The following INVS variants were observed in gnomAD, a reference collection of about 807,000 sequenced individuals.
INVS encodes the protein inversin.
In INVS, 86 loss-of-function variants were observed where a neutral mutation model predicts 108.8. That is an observed-to-expected ratio of 0.79 (90% CI 0.66 to 0.95). The LOEUF (loss-of-function observed/expected upper bound fraction) is 0.95, where lower values mean the gene tolerates loss of function less well. Ranked by LOEUF, INVS falls within the 40% of genes least tolerant of loss-of-function variation. The probability of loss-of-function intolerance (pLI) is 0.00; values close to 1 mark genes in which losing one functional copy is unlikely to be tolerated. For synonymous variants in INVS, 455 were observed against 473.5 expected (o/e 0.96, Z 0.51); for missense variants, 1,169 against 1,297.4 (o/e 0.90, Z 1.52).
chr9:100,099,757 G>A (rs549784359), intron 1 of INVS, among the ~76,000 whole-genome samples: 4 of 152,272 alleles, frequency 2.6e-5, no homozygotes, highest in Admixed American at 2.6e-4. Context: ...GTATAATTAC[G>A]AAATTCCCTA....
intron 16 of INVS, among the ~76,000 whole-genome samples, chr9:100,299,397 A>C (rs1002660930): frequency 6.6e-5 from 10 of 152,022 alleles, no homozygotes; most frequent in Non-Finnish European, 1.5e-4. Context: ...AAAAAGGAAG[A>C]AGCAGAAAGG....
At chr9:100,241,658 G>T (rs1831878003) in intron 6 of INVS, among the ~76,000 whole-genome samples, 1 of 152,138 alleles carries the variant, frequency 6.6e-6, no homozygotes, top group Non-Finnish European at 1.5e-5. Flanking sequence ...CAAACAAAAT[G>T]ATATGTGTTT....
At chr9:100,102,679 T>G (rs746523677) in intron 1 of INVS, 2 of 152,372 alleles carry the variant, frequency 1.3e-5, no homozygotes, top group African/African-American at 4.8e-5. Context: ...CACTTTAAGT[T>G]TGGCATCAAT....
In INVS at chr9:100,265,376, T is replaced by C. The variant is rs1832759029; in HGVS notation, c.1571+448T>C. 4.6e-5 allele frequency among the ~76,000 whole-genome samples: 7 copies of C among 152,336 alleles called. 1 individual carries two copies. The South Asian group carries it at 1.4e-3, about 32-fold the overall frequency. ...AATAAAACATTACACTAAGAAATAC[T>C]GAGCCAGAATAGAAGAGCAAAACTT... is the stretch of plus-strand genomic sequence containing the variant. On this transcript the variant is annotated intron_variant, in intron 11 of 16. Transcript: ENST00000262457.
At chr9:100,106,193 C>T (rs12552646) in intron 2 of INVS, among the ~76,000 whole-genome samples, 67,312 of 151,800 alleles carry the variant, frequency 0.44, 16,398 homozygotes, top group East Asian at 0.9. Flanking sequence ...AAATCTACCT[C>T]GATCTGTACC....
chr9:100,128,268 G>A (rs943591871), intron 3 of INVS, among the ~76,000 whole-genome samples: 11 of 151,864 alleles, frequency 7.2e-5, no homozygotes, highest in Non-Finnish European at 1.0e-4. Context: ...TCATAGTATC[G>A]AAGAATAAAT....
chr9:100,133,774 C>T (rs949425047), intron 3 of INVS, among the ~76,000 whole-genome samples: 1 of 104,220 alleles, frequency 9.6e-6, no homozygotes, highest in African/African-American at 6.7e-5. Flanking sequence ...TACACACACA[C>T]ACACACACAC....
intron 3 of INVS, among the ~76,000 whole-genome samples, chr9:100,160,847 C>G (rs902983555): frequency 4.7e-5 from 7 of 150,342 alleles, no homozygotes; most frequent in African/African-American, 1.2e-4. Flanking sequence ...CCCAGCTACT[C>G]AGGAGGCTGA....
At chr9:100,254,961 T>C (rs546463555) in intron 10 of INVS, among the ~76,000 whole-genome samples, 64 of 152,330 alleles carry the variant, frequency 4.2e-4, no homozygotes, top group African/African-American at 1.5e-3. Context: ...AAGAAAGTCA[T>C]TGGTAGCTTG....
chr9:100,119,947 G>C (rs537274310), intron 2 of INVS, among the ~76,000 whole-genome samples: 1 of 152,246 alleles, frequency 6.6e-6, no homozygotes, highest in Admixed American at 6.5e-5. Flanking sequence ...TGAAAAAATA[G>C]CATGTTGGAA....
Position 100,226,795 on chromosome 9 carries a change from A to G in INVS, c.447+560A>G, listed in dbSNP as rs551140684. The stretch of plus-strand genomic sequence containing the variant: ...GCCACTGAACTCCAGCCTGGGTGAC[A>G]GAGTGAGACTGTCTCAAAAAAAAAA... On this transcript the variant is annotated intron_variant, in intron 4 of 16. Coordinates refer to ENST00000262457, the MANE Select transcript of INVS (RefSeq NM_014425.5). Among the ~76,000 whole-genome samples, 168 of 138,750 alleles carry G rather than the reference A, an allele frequency of 1.2e-3. 1 individual carries two copies. The Middle Eastern group carries it at 0.019, about 15-fold the overall frequency. 91.0% of individuals were successfully genotyped at this position (138,750 alleles called of 152,430 possible). A position where few individuals can be genotyped will look rare whatever the true frequency, so the allele number is the denominator to read the frequency against.
At chr9:100,252,230 A>T in intron 8 of INVS, 53 bp from the exon 9 acceptor site, 2 of 1,547,000 alleles carry the variant, frequency 1.3e-6, no homozygotes, top group South Asian at 2.2e-5. Flanking sequence ...TAATAATTTA[A>T]AAGGTGAAGT....
chr9:100,300,003 T>C (rs557993971), intron 16 of INVS, among the ~76,000 whole-genome samples: 6 of 152,344 alleles, frequency 3.9e-5, no homozygotes, highest in South Asian at 4.1e-4. Flanking sequence ...AAGCAAAATA[T>C]AGCAATGTCT....
At chr9:100,223,411 T>G (rs1831211572) in intron 3 of INVS, among the ~76,000 whole-genome samples, 1 of 152,150 alleles carries the variant, frequency 6.6e-6, no homozygotes, top group African/African-American at 2.4e-5. Context: ...AAATAAGAAT[T>G]TTTAAATGAA....
intron 3 of INVS, among the ~76,000 whole-genome samples, chr9:100,220,383 A>G (rs1220111047): frequency 6.6e-6 from 1 of 152,136 alleles, no homozygotes; most frequent in Non-Finnish European, 1.5e-5. Context: ...TGACCACCTA[A>G]TGAAAAACGA....
At chr9:100,135,920 G>T (rs1276689105) in intron 3 of INVS, among the ~76,000 whole-genome samples, 1 of 151,912 alleles carries the variant, frequency 6.6e-6, no homozygotes, top group Non-Finnish European at 1.5e-5. Context: ...AACTTACAAA[G>T]GAGACAGTAC....
chr9:100,161,694 G>A (rs796444725), intron 3 of INVS, among the ~76,000 whole-genome samples: 6 of 152,264 alleles, frequency 3.9e-5, no homozygotes, highest in African/African-American at 1.4e-4. Context: ...AGAAGGTTAG[G>A]ATTGGATTGC....
At chr9:100,224,491 A>G (rs920846881) in intron 3 of INVS, among the ~76,000 whole-genome samples, 7 of 152,190 alleles carry the variant, frequency 4.6e-5, no homozygotes, top group African/African-American at 1.7e-4. Context: ...TAGATCTGAG[A>G]AAAGAGCCCA....
At chr9:100,221,650 AT>A (rs1212029955) in intron 3 of INVS, among the ~76,000 whole-genome samples, 1 of 151,940 alleles carries the variant, frequency 6.6e-6, no homozygotes, top group Non-Finnish European at 1.5e-5. Context: ...CTATATCATC[AT>A]TATCTGTAGG....
Sources: gnomAD v4.1 joint callset for allele counts (sites outside exome capture counted in the v4.1 genomes callset) on GRCh38, gnomAD v4.1.1 for gene constraint, MANE v1.5 for transcripts, NCBI Gene and HGNC (gene_info 2026-07-23, HGNC 2026-07-21) for gene names.